Variants in RBFOX1 observed in about 807,000 individuals in gnomAD.
RBFOX1 encodes RNA binding fox-1 homolog 1.
RBFOX1 carries 8 observed loss-of-function variants against 57.7 expected under a neutral mutation model. The ratio of observed to expected loss-of-function variants is 0.14; its 90% CI spans 0.08 to 0.25. The LOEUF is 0.25. Ranked by LOEUF, RBFOX1 falls within the 10% of genes least tolerant of loss-of-function variation. RBFOX1 has a pLI of 1.00. For missense variants in RBFOX1, 611 were observed against 548.5 expected (o/e 1.11, Z -1.14); for synonymous variants, 326 against 222.4 (o/e 1.47, Z -4.15).
chr16:5,765,364 G>A (rs2053738956), intron 3 of RBFOX1, among the ~76,000 whole-genome samples: 1 of 152,108 alleles, frequency 6.6e-6, no homozygotes, highest in South Asian at 2.1e-4. Flanking sequence ...TCAAATTTCA[G>A]TTTCAATACA....
At chr16:7,006,805 A>G (rs1266507131) in intron 3 of RBFOX1, among the ~76,000 whole-genome samples, 3 of 152,210 alleles carry the variant, frequency 2.0e-5, no homozygotes, top group Non-Finnish European at 2.9e-5. Flanking sequence ...AGCAAAGTTA[A>G]GTCACCTGCC....
chr16:5,910,484 G>T (rs1237012962), intron 4 of RBFOX1, among the ~76,000 whole-genome samples: 1 of 152,190 alleles, frequency 6.6e-6, no homozygotes, highest in East Asian at 1.9e-4. Context: ...CTTGACAATG[G>T]TTGGCTACTA....
chr16:6,574,638 C>CG (rs1451897904), intron 2 of RBFOX1, among the ~76,000 whole-genome samples: 1 of 147,384 alleles, frequency 6.8e-6, no homozygotes, highest in African/African-American at 2.5e-5. Flanking sequence ...CCGTTTTAGC[C>CG]GGGATGGTCT....
intron 1 of RBFOX1, among the ~76,000 whole-genome samples, chr16:6,236,463 C>G (rs1269383574): frequency 2.0e-5 from 3 of 150,364 alleles, no homozygotes; most frequent in Non-Finnish European, 2.9e-5. Flanking sequence ...GAGGCAGAGT[C>G]TCACTCTGTC....
At chr16:6,175,203 A>T (rs1300949455) in intron 1 of RBFOX1, among the ~76,000 whole-genome samples, 12 of 152,172 alleles carry the variant, frequency 7.9e-5, no homozygotes, top group Non-Finnish European at 4.4e-5. Context: ...AAGCAATAGA[A>T]CCTGACTATG....
intron 4 of RBFOX1, among the ~76,000 whole-genome samples, chr16:7,165,375 C>G (rs1011319293): frequency 3.6e-5 from 3 of 83,052 alleles, no homozygotes; most frequent in East Asian, 7.0e-4. Flanking sequence ...AGGCCCAGAT[C>G]ATAACTCTTC....
At chr16:6,138,743 T>C (rs1040285802) in intron 1 of RBFOX1, among the ~76,000 whole-genome samples, 2 of 152,132 alleles carry the variant, frequency 1.3e-5, no homozygotes, top group African/African-American at 2.4e-5. Flanking sequence ...GGCAGGCACC[T>C]GTAGTCCCAG....
chr16:5,368,814 T>TAG (rs1337285217), intron 1 of RBFOX1, among the ~76,000 whole-genome samples: 19 of 152,186 alleles, frequency 1.2e-4, no homozygotes, highest in African/African-American at 4.6e-4. Flanking sequence ...GTCTCCTTGT[T>TAG]TATTCTGAGA....
chr16:7,182,293 A>G (rs755143050), intron 4 of RBFOX1, among the ~76,000 whole-genome samples: 2 of 152,086 alleles, frequency 1.3e-5, no homozygotes, highest in Non-Finnish European at 2.9e-5. Flanking sequence ...GTGAGGTTGA[A>G]TTCCGAGAGT....
chr16:7,533,470 T>G (rs2080656684), intron 5 of RBFOX1, among the ~76,000 whole-genome samples: 1 of 152,204 alleles, frequency 6.6e-6, no homozygotes, highest in African/African-American at 2.4e-5. Context: ...GCTTCTTGAC[T>G]TATGATGGGG....
At chr16:6,199,394 G>A (rs887829795) in intron 1 of RBFOX1, among the ~76,000 whole-genome samples, 1 of 152,132 alleles carries the variant, frequency 6.6e-6, no homozygotes, top group East Asian at 1.9e-4. Context: ...TGTGACCATA[G>A]TCTCCCAAAC....
rs578234388 is a variant in RBFOX1, at chr16:6,823,364, C to T, written c.-16+168714C>T. 1.8e-4 allele frequency among the ~76,000 whole-genome samples: 28 copies of T among 151,920 alleles called. No homozygotes were observed. The East Asian group carries it at 5.4e-3, about 29-fold the overall frequency. ...CTCCACCTCTTGGATTCAAGTGATT[C>T]TCCTGCCTCAGCCTCCCAAGTAGCT... On this transcript the variant is annotated intron_variant, in intron 3 of 15. Coordinates refer to ENST00000550418, the MANE Select transcript of RBFOX1 (RefSeq NM_018723.4).
intron 4 of RBFOX1, among the ~76,000 whole-genome samples, chr16:7,368,352 C>A (rs1410380843): frequency 6.6e-6 from 1 of 151,982 alleles, no homozygotes; most frequent in East Asian, 1.9e-4. Flanking sequence ...GTTTCTTTCC[C>A]TGTTTATCTT....
In RBFOX1 at chr16:5,829,735, T is replaced by G. The variant is rs141350774; in HGVS notation, c.319-37568T>G. On this transcript the variant is annotated intron_variant, in intron 3 of 19. Coordinates refer to the RBFOX1 transcript ENST00000641259. ...CTGTAAATCCTGGATCCAATTTATT[T>G]GTTATTTCCACTCATTTGAAATGCA... Among the ~76,000 whole-genome samples the G allele has an allele frequency of 3.9e-3, 598 of 152,306 alleles. 2 individuals carry two copies. The highest frequency in any genetic ancestry group is 8.1e-3 in the Admixed American group (124 of 15,294).
chr16:6,676,820 C>T (rs146263496), intron 3 of RBFOX1, among the ~76,000 whole-genome samples: 2,487 of 151,748 alleles, frequency 0.016, 69 homozygotes, highest in African/African-American at 0.056. Flanking sequence ...GGATTACAGG[C>T]ACCCGCCACC....
chr16:5,436,351 A>T (rs2067917731), intron 1 of RBFOX1, among the ~76,000 whole-genome samples: 3 of 152,210 alleles, frequency 2.0e-5, no homozygotes, highest in Non-Finnish European at 4.4e-5. Flanking sequence ...GGGGCTACAG[A>T]AGAGACAGGG....
intron 11 of RBFOX1, among the ~76,000 whole-genome samples, chr16:7,637,169 G>C (rs936192515): frequency 6.6e-6 from 1 of 151,806 alleles, no homozygotes; most frequent in African/African-American, 2.4e-5. Context: ...TTCCATGAAA[G>C]CCAGAGTTGA....
At chr16:5,354,774 T>C (rs1567376986) in intron 1 of RBFOX1, among the ~76,000 whole-genome samples, 1 of 152,212 alleles carries the variant, frequency 6.6e-6, no homozygotes, top group Non-Finnish European at 1.5e-5. Context: ...CAGGGCAGGC[T>C]GGAGGGAGTG....
intron 4 of RBFOX1, among the ~76,000 whole-genome samples, chr16:7,139,779 C>G (rs780702402): frequency 2.6e-5 from 4 of 151,740 alleles, no homozygotes; most frequent in Admixed American, 6.6e-5. Context: ...TTAAGTTCAT[C>G]GGTGAGCTTT....
Sources: allele counts gnomAD v4.1 joint callset (sites outside exome capture counted in the v4.1 genomes callset), GRCh38; gene constraint gnomAD v4.1.1; transcripts MANE v1.5; gene names NCBI Gene and HGNC (gene_info 2026-07-23, HGNC 2026-07-21).